The following COL1A1 variants were observed in gnomAD, a reference collection of about 807,000 sequenced individuals.
The protein encoded by COL1A1 is collagen type I alpha 1 chain, also known as collagen alpha-1(I) chain.
COL1A1 carries 21 observed loss-of-function variants against 195.7 expected under a neutral mutation model. The observed-to-expected ratio is 0.11, with a 90% CI of 0.08 to 0.15. The LOEUF (loss-of-function observed/expected upper bound fraction) is 0.15. Among genes scored for constraint, COL1A1 ranks in the 10% least tolerant of loss-of-function variants. The pLI is 1.00. For missense variants in COL1A1, 1,365 were observed against 2,051.0 expected (o/e 0.67, Z 6.46); for synonymous variants, 749 against 747.3 (o/e 1.00, Z -0.04).
intron 6 of COL1A1, 72 bp downstream of exon 6, chr17:50,198,361 C>T: frequency 1.3e-6 from 2 of 1,572,342 alleles, no homozygotes; most frequent in South Asian, 1.1e-5. Flanking sequence ...CTGTCTATAC[C>T]AGCCGCCTAT....
chr17:50,186,622 G>A lies in COL1A1; in HGVS notation c.3814+18C>T, dbSNP rs1906549063. 5.0e-6 allele frequency: 8 copies of A among 1,613,408 alleles called. No individual in the cohort carries two copies. Among genetic ancestry groups the A allele is most frequent in the African/African-American group, 1.3e-5 (1 of 75,010 alleles). ...TGGCAGGAGTAGGAGGGAGGGAGAGGCTAGGGCAGGCCCTCACCACTCTTC... is the reference window on the plus strand; with the variant it reads ...TGGCAGGAGTAGGAGGGAGGGAGAGACTAGGGCAGGCCCTCACCACTCTTC... On this transcript the variant is annotated intron_variant, in intron 48 of 50. Coordinates refer to ENST00000225964, the MANE Select transcript of COL1A1 (RefSeq NM_000088.4). This position sits in a 1 kb window ranked among gnomAD's most constrained non-coding sequence, Gnocchi z 5.3.
At position 50,195,109 on chromosome 17, in the gene COL1A1, G is replaced by A. The variant is rs780311548; in HGVS notation, c.1300-9C>T. ...GGAGCACCAGGTTCACCCTGCAAGG[G>A]GGGAGAAGAGGATGAGCTGAGAGTC... On this transcript the variant is annotated splice_polypyrimidine_tract_variant and intron_variant, in intron 19 of 50. Coordinates refer to ENST00000225964, the MANE Select transcript of COL1A1 (RefSeq NM_000088.4). This position sits in a 1 kb window ranked among gnomAD's most constrained non-coding sequence, Gnocchi z 4.3. The A allele has an allele frequency of 1.7e-5, 27 of 1,613,434 alleles. No individual in the cohort carries two copies. Among genetic ancestry groups the A allele is most frequent in the African/African-American group, 6.7e-5 (5 of 74,858 alleles).
At chr17:50,201,159 C>A (rs573982274) in intron 1 of COL1A1, among the ~76,000 whole-genome samples, 23 of 152,216 alleles carry the variant, frequency 1.5e-4, no homozygotes, top group Admixed American at 3.3e-4. Context: ...CGGTTGCGCG[C>A]TCGGGATTCT....
chr17:50,190,424 G>A lies in COL1A1; in HGVS notation c.2398-44C>T. 1 of 1,584,422 alleles carries A rather than the reference G, an allele frequency of 6.3e-7. No homozygotes were observed. ...GATTGGAGAGATGCGCTGACAGGAG[G>A]GAAGGCGGGGATGCGGTGAGGGGAG... On this transcript the variant is annotated intron_variant, in intron 34 of 50. Coordinates refer to ENST00000225964, the MANE Select transcript of COL1A1 (RefSeq NM_000088.4). The surrounding 1 kb of genome is among the most constrained non-coding windows in gnomAD (Gnocchi z 4.7).
chr17:50,200,218 C>A, intron 1 of COL1A1: 4 of 506,030 alleles, frequency 7.9e-6, no homozygotes, highest in East Asian at 3.5e-5. Context: ...AACCTCAGCC[C>A]ATTGGCGCTG....
At chr17:50,187,771 T>G in intron 45 of COL1A1, 105 bp downstream of exon 45, 1 of 1,139,850 alleles carries the variant, frequency 8.8e-7, no homozygotes, top group Non-Finnish European at 1.3e-6. Flanking sequence ...CAGTCCCCAC[T>G]AGGGAGGGGA....
rs1228858377 is a variant in COL1A1, at chr17:50,195,337, G to C, written c.1201-7C>G. 1 of 1,613,796 alleles carries C rather than the reference G, an allele frequency of 6.2e-7. No homozygotes were observed. Among genetic ancestry groups the C allele is most frequent in the African/African-American group, 1.3e-5 (1 of 74,852 alleles). ...CAGCAATACCAGGAGCACCCTGTGG[G>C]AGGCAGACAGCCAGGGCGTGAGCCT... On this transcript the variant is annotated splice_polypyrimidine_tract_variant and splice_region_variant and intron_variant, in intron 18 of 50. Coordinates refer to ENST00000225964, the MANE Select transcript of COL1A1 (RefSeq NM_000088.4). This position sits in a 1 kb window ranked among gnomAD's most constrained non-coding sequence, Gnocchi z 4.3.
Position 50,191,422 on chromosome 17 carries a change from T to C in COL1A1, c.2196A>G (p.Glu732=). 1 of 1,613,918 alleles carries C rather than the reference T, an allele frequency of 6.2e-7. No homozygotes were observed. Among genetic ancestry groups the C allele is most frequent in the African/African-American group, 1.3e-5 (1 of 74,990 alleles). ...GCCCTGGAAGACCAGCTGCACCACG[T>C]TCACCAGGCATTCCCTGAAGGCCAG... The part of the protein sequence containing the change: ...GAPGLQGMPG[E]RGAAGLPGPK... The change falls in exon 32 of 51, where the codon GAA becomes GAG. Residue 732 remains glutamate, a synonymous_variant. Transcript: ENST00000225964.
At position 50,194,506 on chromosome 17, in the gene COL1A1, G is replaced by A; in HGVS notation, c.1516-59C>T. ...CTCAAGTTTGTGGCTCTTTGCCACG[G>A]GCCAAAAGAGGAAGAAGATGCCCAG... On this transcript the variant is annotated intron_variant, in intron 22 of 50. Coordinates refer to ENST00000225964, the MANE Select transcript of COL1A1 (RefSeq NM_000088.4). The surrounding 1 kb of genome is among the most constrained non-coding windows in gnomAD (Gnocchi z 6.8). 1.2e-6 allele frequency: 2 copies of A among 1,612,844 alleles called. No homozygotes were observed. Among genetic ancestry groups the A allele is most frequent in the Non-Finnish European group, 8.5e-7 (1 of 1,179,088 alleles).
Position 50,184,964 on chromosome 17 carries a change from T to TC in COL1A1, c.*537dup, listed in dbSNP as rs2144526398. 4.4e-6 allele frequency: 1 copy of TC among 227,376 alleles called. No homozygotes were observed. The highest frequency in any genetic ancestry group is 6.3e-5 in the East Asian group (1 of 15,908). 14.1% of individuals were successfully genotyped at this position (227,376 alleles called of 1,614,324 possible). On this transcript the variant is annotated 3_prime_UTR_variant, in exon 51 of 51. Coordinates refer to ENST00000225964, the MANE Select transcript of COL1A1 (RefSeq NM_000088.4). The stretch of plus-strand genomic sequence containing the variant: ...TCTTTGGCAGTCTGAGAACCCCAGG[T>TC]CCCCCAGGGCCTGGGGGTGCTGGGC...
rs749669962 is a variant in COL1A1 at position 50,194,047 on chromosome 17, G to T, written c.1669-6C>A. ...CCATCTTGACCGGCGGGACCCTAAGGATGGGAGGCACGAAAGCAGCAGTGA... is the reference window on the plus strand; with the variant it reads ...CCATCTTGACCGGCGGGACCCTAAGTATGGGAGGCACGAAAGCAGCAGTGA... On this transcript the variant is annotated splice_region_variant and splice_polypyrimidine_tract_variant and intron_variant, in intron 24 of 50. Transcript: ENST00000225964. The surrounding 1 kb of genome is among the most constrained non-coding windows in gnomAD (Gnocchi z 6.8). 4.3e-6 allele frequency: 7 copies of T among 1,613,396 alleles called. No individual in the cohort carries two copies. The highest frequency in any genetic ancestry group is 5.9e-6 in the Non-Finnish European group (7 of 1,179,654).
Position 50,195,011 on chromosome 17 carries a change from G to T in COL1A1, c.1353+36C>A, listed in dbSNP as rs762495350. 1 of 1,607,208 alleles carries T rather than the reference G, an allele frequency of 6.2e-7. No individual in the cohort carries two copies. On this transcript the variant is annotated intron_variant, in intron 20 of 50. Coordinates refer to ENST00000225964, the MANE Select transcript of COL1A1 (RefSeq NM_000088.4). The surrounding 1 kb of genome is among the most constrained non-coding windows in gnomAD (Gnocchi z 4.3). Reference sequence around the variant, plus strand: ...CCTCAGGGGGCTCCTAGGGCAGGGTGGGCTGGGCTGCAAGAAGGATGGCGG... The same window carrying T: ...CCTCAGGGGGCTCCTAGGGCAGGGTTGGCTGGGCTGCAAGAAGGATGGCGG...
At chr17:50,199,646 G>C (rs1907897983) in intron 2 of COL1A1, 56 bp from the exon 3 acceptor site, 7 of 1,612,958 alleles carry the variant, frequency 4.3e-6, no homozygotes, top group Middle Eastern at 1.8e-4. Flanking sequence ...TGCTCCCGTC[G>C]GCAGAGGCCT....
At position 50,188,733 on chromosome 17, in the gene COL1A1, C is replaced by T. The variant is rs1906787986; in HGVS notation, c.3099+9G>A. On this transcript the variant is annotated intron_variant, in intron 42 of 50. Transcript: ENST00000225964. The surrounding 1 kb of genome is among the most constrained non-coding windows in gnomAD (Gnocchi z 5.6). Reference sequence around the variant, plus strand: ...ACAAGGCTGTGGTCATGGAGTGTTGCCATCTTACCTTGGCGCCAGGAGAAC... The same window carrying T: ...ACAAGGCTGTGGTCATGGAGTGTTGTCATCTTACCTTGGCGCCAGGAGAAC... The T allele has an allele frequency of 1.2e-6, 2 of 1,614,002 alleles. No individual in the cohort carries two copies. Among genetic ancestry groups the T allele is most frequent in the Non-Finnish European group, 1.7e-6 (2 of 1,179,938 alleles).
In COL1A1 at chr17:50,195,569, C is replaced by T. The variant is rs548048698; in HGVS notation, c.1153G>A (p.Ala385Thr). ...GACACTGAGTCGGGGACACTTACAG[C>T]AGGGCCAGCAGCACCAGCAGGGCCA... ...PPGPAGAAGP[A>T]GNPGADGQPG... The change falls in exon 17 of 51, where the codon GCT becomes ACT. Residue 385 changes from alanine to threonine, a missense_variant and splice_region_variant. Physicochemically the swap from Ala to Thr is moderately conservative, Grantham distance 58 (BLOSUM62 0). Coordinates refer to ENST00000225964, the MANE Select transcript of COL1A1 (RefSeq NM_000088.4). This position sits in a 1 kb window ranked among gnomAD's most constrained non-coding sequence, Gnocchi z 4.3. The T allele has an allele frequency of 6.2e-6, 10 of 1,613,986 alleles. No individual in the cohort carries two copies. The African/African-American group carries it at 6.7e-5, about 11-fold the overall frequency.
chr17:50,199,600 G>C lies in COL1A1; in HGVS notation c.299-10C>G. ...TGGTCGGTGGGTGACTCTAGGGGAC[G>C]AAGAGACGCGCGTTAGAGCCAAGGT... On this transcript the variant is annotated splice_polypyrimidine_tract_variant and intron_variant, in intron 2 of 50. Transcript: ENST00000225964. The C allele has an allele frequency of 6.2e-7, 1 of 1,614,096 alleles. No individual in the cohort carries two copies.
rs72651631 is a variant in COL1A1, at chr17:50,192,477, G to A, written c.1981C>T (p.Gln661Ter). The A allele has an allele frequency of 1.2e-6, 2 of 1,611,014 alleles. No individual in the cohort carries two copies. The highest frequency in any genetic ancestry group is 1.7e-6 in the Non-Finnish European group (2 of 1,178,386). The change falls in exon 29 of 51, where the codon CAG becomes TAG. Residue 661 changes from glutamine (Q) to a stop codon, truncating the protein, a stop_gained and splice_region_variant. Coordinates refer to ENST00000225964, the MANE Select transcript of COL1A1 (RefSeq NM_000088.4). LOFTEE classifies it high-confidence loss of function. ...TCTGGCCGGCTGCTCCCTCTTACCT[G>A]TTCACCAGGTTTGCCTGCTTCACCT... ...PPGEAGKPGE[Q>*]GVPGDLGAPG...
chr17:50,200,122 C>T, intron 1 of COL1A1, 175 bp from the exon 2 acceptor site: 1 of 714,350 alleles, frequency 1.4e-6, no homozygotes, highest in Non-Finnish European at 2.4e-6. Context: ...GGTGACAGCG[C>T]CGAGGCGCCT....
rs766861178 is a variant in COL1A1 at position 50,201,551 on chromosome 17, G to A, written c.-38C>T. On this transcript the variant is annotated 5_prime_UTR_variant, in exon 1 of 51. Transcript: ENST00000225964. ...GACATGTAGACTCTTTGTGGCTGGG[G>A]AGGGGGTTAGCGTCCGCTCATGCGT... The A allele has an allele frequency of 1.1e-5, 17 of 1,574,344 alleles. No individual in the cohort carries two copies. In the Admixed American group the frequency reaches 3.0e-4, roughly 28 times the overall value.
Sources: gnomAD v4.1 joint callset for allele counts (sites outside exome capture counted in the v4.1 genomes callset) on GRCh38, gnomAD v4.1.1 for gene constraint, Gnocchi (gnomAD v3.1) non-coding constraint, MANE v1.5 for transcripts, NCBI Gene and HGNC (gene_info 2026-07-23, HGNC 2026-07-21) for gene names.